Variants in ABCB5 observed in about 807,000 individuals in gnomAD.
ABCB5 encodes the protein ATP binding cassette subfamily B member 5.
Under a neutral mutation model 144.2 loss-of-function variants are expected in ABCB5, and 155 were observed. That is an observed-to-expected ratio of 1.08 (90% CI 0.94 to 1.23). The LOEUF is 1.23. ABCB5 is among the 50% of genes most tolerant of loss of function. The pLI is 0.00. For synonymous variants in ABCB5, 610 were observed against 528.6 expected, an observed-to-expected ratio of 1.15 and a Z score of -2.11; for missense variants, 1,830 against 1,520.8, an observed-to-expected ratio of 1.20 and a Z score of -3.38.
chr7:20,627,734 G>A (rs968318980), intron 3 of ABCB5, among the ~76,000 whole-genome samples: 1 of 151,780 alleles, frequency 6.6e-6, no homozygotes, highest in Non-Finnish European at 1.5e-5. Context: ...AAAAATCTAA[G>A]GAATTTAAAA....
chr7:20,735,281 G>A (rs1268363076), intron 23 of ABCB5, among the ~76,000 whole-genome samples: 5 of 152,138 alleles, frequency 3.3e-5, no homozygotes, highest in Non-Finnish European at 7.4e-5. Context: ...AAACCACATT[G>A]TATTTCCAAT....
chr7:20,638,646 A>G (rs1784216332), intron 5 of ABCB5, among the ~76,000 whole-genome samples: 2 of 152,188 alleles, frequency 1.3e-5, no homozygotes, highest in Non-Finnish European at 2.9e-5. Flanking sequence ...TTTGTTTGGC[A>G]TACTGTTTTT....
chr7:20,665,750 G>GATAGATAT (rs1785159792), intron 14 of ABCB5, among the ~76,000 whole-genome samples: 1 of 139,160 alleles, frequency 7.2e-6, no homozygotes, highest in African/African-American at 2.6e-5. Flanking sequence ...TAGATAGATA[G>GATAGATAT]ATAGATAGAT....
At chr7:20,744,524 C>A (rs1001879627) in intron 25 of ABCB5, among the ~76,000 whole-genome samples, 9 of 151,710 alleles carry the variant, frequency 5.9e-5, no homozygotes, top group Non-Finnish European at 8.8e-5. Context: ...CCCTGTTACC[C>A]TGTCTTTAGG....
chr7:20,695,025 T>A (rs1786359477), intron 16 of ABCB5, among the ~76,000 whole-genome samples: 1 of 151,954 alleles, frequency 6.6e-6, no homozygotes, highest in South Asian at 2.1e-4. Flanking sequence ...TTCTTTCTCC[T>A]CCAATTGAAT....
At chr7:20,732,905 G>T (rs570807355) in intron 23 of ABCB5, among the ~76,000 whole-genome samples, 2 of 152,162 alleles carry the variant, frequency 1.3e-5, no homozygotes, top group South Asian at 4.2e-4. Context: ...TTCCTTTAAG[G>T]GGCTTTCCAA....
chr7:20,664,627 C>G (rs916740), intron 14 of ABCB5, among the ~76,000 whole-genome samples: 1 of 151,802 alleles, frequency 6.6e-6, no homozygotes, highest in Admixed American at 6.6e-5. Context: ...GTATTATTTA[C>G]CAAGAATAAA....
chr7:20,633,253 G>A (rs965436000), intron 5 of ABCB5, among the ~76,000 whole-genome samples: 2 of 152,062 alleles, frequency 1.3e-5, no homozygotes, highest in African/African-American at 4.8e-5. Flanking sequence ...GTATTAAACA[G>A]TGTGATTTAT....
intron 23 of ABCB5, among the ~76,000 whole-genome samples, chr7:20,735,008 CA>C (rs2128053333): frequency 6.6e-6 from 1 of 152,276 alleles, no homozygotes; most frequent in Non-Finnish European, 1.5e-5. Context: ...GACCAAGAAC[CA>C]TTCCTAATCA....
At chr7:20,688,432 C>T (rs1292738256) in intron 16 of ABCB5, among the ~76,000 whole-genome samples, 3 of 152,022 alleles carry the variant, frequency 2.0e-5, no homozygotes, top group Non-Finnish European at 4.4e-5. Flanking sequence ...CCATCTCACA[C>T]CAGTTAGAAT....
At chr7:20,659,618 G>A (rs1784933847) in intron 14 of ABCB5, 2 of 989,618 alleles carry the variant, frequency 2.0e-6, no homozygotes, top group South Asian at 9.2e-5. Context: ...GTTTACTGTG[G>A]ACACTTCGGC....
At chr7:20,702,240 T>C (rs1037675977) in intron 19 of ABCB5, among the ~76,000 whole-genome samples, 1 of 152,246 alleles carries the variant, frequency 6.6e-6, no homozygotes, top group African/African-American at 2.4e-5. Context: ...TGATAAATAA[T>C]TACCTATAGA....
intron 5 of ABCB5, among the ~76,000 whole-genome samples, chr7:20,637,679 C>A (rs1352364160): frequency 6.6e-6 from 1 of 152,118 alleles, no homozygotes; most frequent in Admixed American, 6.6e-5. Context: ...CTCGGACTCC[C>A]AAAGTGCTAG....
chr7:20,647,688 T>A, intron 10 of ABCB5, 40 bp downstream of exon 10: 1 of 1,535,422 alleles, frequency 6.5e-7, no homozygotes, highest in Non-Finnish European at 8.7e-7. Flanking sequence ...CTATCATTAC[T>A]GCAAGAAGGA....
At chr7:20,705,804 TG>T (rs768499459) in intron 20 of ABCB5, among the ~76,000 whole-genome samples, 408 of 150,960 alleles carry the variant, frequency 2.7e-3, no homozygotes, top group Non-Finnish European at 3.8e-3. Context: ...CGTTCTAAGT[TG>T]TTTTTTTTTT....
At chr7:20,733,085 G>A (rs1369388187) in intron 23 of ABCB5, among the ~76,000 whole-genome samples, 5 of 152,234 alleles carry the variant, frequency 3.3e-5, no homozygotes, top group African/African-American at 1.2e-4. Context: ...ACTCAAAGAG[G>A]TTACCTAACT....
chr7:20,694,450 T>G (rs1786339392), intron 16 of ABCB5, among the ~76,000 whole-genome samples: 2 of 151,966 alleles, frequency 1.3e-5, no homozygotes, highest in South Asian at 4.1e-4. Context: ...AAGCAACGAA[T>G]TAAAAGAAAT....
intron 14 of ABCB5, chr7:20,659,655 T>C: frequency 1.0e-6 from 1 of 988,100 alleles, no homozygotes; most frequent in Non-Finnish European, 1.2e-6. Context: ...GTACAGAAAA[T>C]ACAAAGACAG....
intron 14 of ABCB5, among the ~76,000 whole-genome samples, chr7:20,669,107 G>C (rs1354955854): frequency 8.6e-5 from 13 of 151,114 alleles, no homozygotes; most frequent in African/African-American, 2.9e-4. Context: ...ATGGTGGGGG[G>C]GGTCAGCCCC....
Sources: gnomAD v4.1 joint callset for allele counts (sites outside exome capture counted in the v4.1 genomes callset) on GRCh38, gnomAD v4.1.1 for gene constraint, MANE v1.5 for transcripts, NCBI Gene and HGNC (gene_info 2026-07-23, HGNC 2026-07-21) for gene names.